AGBL1: variants seen among roughly 807,000 people sequenced by gnomAD.
The protein encoded by AGBL1 is cytosolic carboxypeptidase 4.
A neutral mutation model predicts 118.9 loss-of-function variants in AGBL1; 130 were observed. The observed-to-expected ratio is 1.09, with a 90% CI of 0.95 to 1.26. The LOEUF is 1.26. AGBL1 is among the 50% of genes most tolerant of loss of function. The pLI is 0.00. For missense variants in AGBL1, 1,584 were observed against 1,298.1 expected (o/e 1.22, Z -3.38); for synonymous variants, 555 against 478.9 (o/e 1.16, Z -2.08).
rs61563504 is a variant in AGBL1 at position 86,534,112 on chromosome 15, TAAAAAAAAAA to T, written c.2685+11186_2685+11195del. On this transcript the variant is annotated intron_variant, in intron 19 of 22. Coordinates refer to ENST00000614907, the MANE Select transcript of AGBL1 (RefSeq NM_001386094.1). ...ATGTACCCTAAAACTTAAAGTATAA[TAAAAAAAAAA>T]AAAAAAAAAAAAGATTGTCCTTTTC... 6.2e-5 allele frequency among the ~76,000 whole-genome samples: 6 copies of T among 96,500 alleles called. No homozygotes were observed. In the South Asian group the frequency reaches 2.5e-3, roughly 40 times the overall value. The allele number at this position is 96,500 out of a possible 152,430, so 63.3% of individuals were successfully genotyped here. A position where few individuals can be genotyped will look rare whatever the true frequency, so the allele number is the denominator to read the frequency against.
At chr15:86,718,773 T>A (rs904502955) in intron 22 of AGBL1, among the ~76,000 whole-genome samples, 9 of 152,064 alleles carry the variant, frequency 5.9e-5, no homozygotes, top group South Asian at 2.1e-4. Flanking sequence ...AGGACTTTTT[T>A]AAAAAAAATT....
chr15:86,557,159 G>A lies in AGBL1; in HGVS notation c.2994+2622G>A, dbSNP rs137904557. 3.3e-3 allele frequency among the ~76,000 whole-genome samples: 506 copies of A among 152,294 alleles called. 6 individuals are homozygous for A. The highest frequency in any genetic ancestry group is 9.6e-3 in the African/African-American group (399 of 41,574). ...CTTAGATCTATAACTTGTATTTAAT[G>A]TGGAAATCCCACCCACTGAGAGATT... On this transcript the variant is annotated intron_variant, in intron 21 of 22. Transcript: ENST00000614907.
chr15:86,329,805 A>G (rs1371834228), intron 17 of AGBL1, among the ~76,000 whole-genome samples: 1 of 152,012 alleles, frequency 6.6e-6, no homozygotes, highest in South Asian at 2.1e-4. Flanking sequence ...CATTCAGAGC[A>G]CCTGTTTGCC....
chr15:86,673,852 C>T (rs903519441), intron 21 of AGBL1, among the ~76,000 whole-genome samples: 11 of 151,890 alleles, frequency 7.2e-5, no homozygotes, highest in East Asian at 3.9e-4. Context: ...CTCCATTGGC[C>T]GATAAATTCA....
intron 23 of AGBL1, chr15:86,935,176 A>T (rs1028187556): frequency 6.6e-6 from 1 of 151,980 alleles, no homozygotes; most frequent in Non-Finnish European, 1.5e-5. Flanking sequence ...AGACTTCTCC[A>T]TCATGTTCTT....
intron 18 of AGBL1, among the ~76,000 whole-genome samples, chr15:86,473,313 A>C (rs560958143): frequency 2.0e-5 from 3 of 152,340 alleles, no homozygotes; most frequent in African/African-American, 7.2e-5. Context: ...CTAAGTATTC[A>C]AGGAGATAAT....
chr15:86,592,083 G>T (rs2084344795), intron 21 of AGBL1, among the ~76,000 whole-genome samples: 1 of 152,106 alleles, frequency 6.6e-6, no homozygotes. Context: ...ACATAGTGTT[G>T]GTCATCCCAA....
At chr15:86,479,765 G>T (rs1450375098) in intron 18 of AGBL1, among the ~76,000 whole-genome samples, 2 of 152,108 alleles carry the variant, frequency 1.3e-5, no homozygotes, top group Non-Finnish European at 1.5e-5. Flanking sequence ...AAATCATGCT[G>T]CTATAAAGAC....
At chr15:86,373,752 A>G (rs1435851932) in intron 17 of AGBL1, among the ~76,000 whole-genome samples, 1 of 152,214 alleles carries the variant, frequency 6.6e-6, no homozygotes, top group Non-Finnish European at 1.5e-5. Context: ...TAAGTCTCAC[A>G]TTCGGTCTGG....
rs546160533 is a variant in AGBL1 at position 86,440,980 on chromosome 15, T to C, written c.2555+43434T>C. ...GGAGTGGACATTGGGGTCAGAGTCA[T>C]ACATTAGAGCAAGGGTCAGGACAGA... is the stretch of plus-strand genomic sequence containing the variant. On this transcript the variant is annotated intron_variant, in intron 18 of 22. Coordinates refer to ENST00000614907, the MANE Select transcript of AGBL1 (RefSeq NM_001386094.1). Among the ~76,000 whole-genome samples, 102 of 152,256 alleles carry C rather than the reference T, an allele frequency of 6.7e-4. 1 individual carries two copies. The highest frequency in any genetic ancestry group is 9.4e-4 in the Non-Finnish European group (64 of 68,014).
At chr15:86,539,037 G>T (rs954518508) in intron 19 of AGBL1, among the ~76,000 whole-genome samples, 4 of 152,124 alleles carry the variant, frequency 2.6e-5, no homozygotes, top group Admixed American at 2.6e-4. Context: ...TTGCAATTTA[G>T]CTCAGACAAG....
At chr15:86,186,693 C>G (rs995796066) in intron 5 of AGBL1, among the ~76,000 whole-genome samples, 3 of 152,194 alleles carry the variant, frequency 2.0e-5, no homozygotes, top group Non-Finnish European at 2.9e-5. Context: ...TCATTACTTT[C>G]AAGAATTTGA....
rs533910335 is a variant in AGBL1 at position 86,732,884 on chromosome 15, T to G, written c.3158+58448T>G. 1.3e-4 allele frequency among the ~76,000 whole-genome samples: 20 copies of G among 151,060 alleles called. No homozygotes were observed. In the East Asian group the frequency reaches 1.4e-3, roughly 10 times the overall value. On this transcript the variant is annotated intron_variant, in intron 22 of 22. Coordinates refer to ENST00000614907, the MANE Select transcript of AGBL1 (RefSeq NM_001386094.1). ...CCAATAAGATATATATAGATAGATA[T>G]ATAGCTATAGATAAATCTACAAATA...
intron 22 of AGBL1, among the ~76,000 whole-genome samples, chr15:86,825,703 G>A (rs2079001139): frequency 6.9e-6 from 1 of 145,354 alleles, no homozygotes. Context: ...GAGGGAGGGA[G>A]GGAGAAAGCG....
At chr15:87,006,500 G>C (rs571076721) in intron 24 of AGBL1, among the ~76,000 whole-genome samples, 1 of 152,270 alleles carries the variant, frequency 6.6e-6, no homozygotes, top group South Asian at 2.1e-4. Flanking sequence ...CCAGGCACGG[G>C]GTATAATCTC....
chr15:86,665,612 A>G (rs2085631018), intron 21 of AGBL1, among the ~76,000 whole-genome samples: 3 of 152,148 alleles, frequency 2.0e-5, no homozygotes, highest in African/African-American at 4.8e-5. Context: ...CAAATTTTAT[A>G]TATCTAATCA....
intron 22 of AGBL1, among the ~76,000 whole-genome samples, chr15:86,742,929 T>G (rs2077700852): frequency 6.6e-6 from 1 of 152,186 alleles, no homozygotes; most frequent in African/African-American, 2.4e-5. Flanking sequence ...ACTTCAATGC[T>G]TGTTATATGG....
rs9302341 is a variant in AGBL1 at position 86,670,600 on chromosome 15, G to GACACACACACACACACACAC, written c.2995-3665_2995-3646dup. 1.5e-3 allele frequency among the ~76,000 whole-genome samples: 200 copies of GACACACACACACACACACAC among 133,238 alleles called. 1 individual carries two copies. The highest frequency in any genetic ancestry group is 5.6e-3 in the African/African-American group (196 of 34,898). The allele number at this position is 133,238 out of a possible 152,430, so 87.4% of individuals were successfully genotyped here. On this transcript the variant is annotated intron_variant, in intron 21 of 22. Transcript: ENST00000614907. ...GCCTGGGTGACAAGAGTGAAACTCT[G>GACACACACACACACACACAC]ACACACACACACACACACACACACA...
chr15:86,716,579 GA>G (rs1228596273), intron 22 of AGBL1, among the ~76,000 whole-genome samples: 1 of 152,022 alleles, frequency 6.6e-6, no homozygotes, highest in Non-Finnish European at 1.5e-5. Flanking sequence ...CAAGAAAATA[GA>G]AAAAGCAGTA....
Sources: allele counts gnomAD v4.1 joint callset (sites outside exome capture counted in the v4.1 genomes callset), GRCh38; gene constraint gnomAD v4.1.1; transcripts MANE v1.5; gene names NCBI Gene and HGNC (gene_info 2026-07-23, HGNC 2026-07-21).